CCDC57: variants seen among roughly 807,000 people sequenced by gnomAD.
The protein encoded by CCDC57 is coiled-coil domain containing 57, also known as coiled-coil domain-containing protein 57.
In CCDC57, 118 loss-of-function variants were observed where a neutral mutation model predicts 118.9. The ratio of observed to expected loss-of-function variants is 0.99; its 90% CI spans 0.86 to 1.16. The LOEUF is 1.16. Ranked by LOEUF, CCDC57 falls within the 50% of genes most tolerant of loss-of-function variation. The pLI is 0.00. For missense variants in CCDC57, 1,300 were observed against 1,320.7 expected, an observed-to-expected ratio of 0.98 and a Z score of 0.24; for synonymous variants, 527 against 532.9, an observed-to-expected ratio of 0.99 and a Z score of 0.15.
intron 19 of CCDC57, among the ~76,000 whole-genome samples, chr17:82,111,012 C>A (rs1287315596): frequency 1.3e-5 from 2 of 151,794 alleles, no homozygotes; most frequent in African/African-American, 4.8e-5. Flanking sequence ...AGCATATGTG[C>A]AGGAGTAGAA....
chr17:82,174,003 C>A (rs7502078), intron 11 of CCDC57, among the ~76,000 whole-genome samples: 70,241 of 152,140 alleles, frequency 0.46, 17,044 homozygotes, highest in East Asian at 0.88. Flanking sequence ...CACCTGCTTC[C>A]AGACGCCAGC....
chr17:82,143,039 C>T (rs2040225085), intron 16 of CCDC57, among the ~76,000 whole-genome samples: 1 of 152,056 alleles, frequency 6.6e-6, no homozygotes, highest in South Asian at 2.1e-4. Context: ...TGGCACATGC[C>T]TGTAGTCTCA....
intron 17 of CCDC57, among the ~76,000 whole-genome samples, chr17:82,131,562 GA>G (rs1418718049): frequency 6.6e-6 from 1 of 152,070 alleles, no homozygotes; most frequent in Non-Finnish European, 1.5e-5. Context: ...GTGACACGGT[GA>G]AACCCTGTCT....
At chr17:82,101,988 C>A in intron 19 of CCDC57, 122 bp from the exon 19 acceptor site, 2 of 1,000,702 alleles carry the variant, frequency 2.0e-6, no homozygotes, top group South Asian at 4.0e-5. Flanking sequence ...GCCCTGTGAC[C>A]CTTGGCCTGG....
intron 16 of CCDC57, among the ~76,000 whole-genome samples, chr17:82,148,379 G>A (rs1427603518): frequency 0.028 from 31 of 1,098 alleles, no homozygotes; most frequent in Non-Finnish European, 0.04. Context: ...ATGGGTGGGT[G>A]GGTGAATGGA....
Position 82,131,624 on chromosome 17 carries a change from T to C in CCDC57, c.2577+2449A>G, listed in dbSNP as rs147574701. 7.9e-3 allele frequency among the ~76,000 whole-genome samples: 1,197 copies of C among 151,942 alleles called. 19 individuals are homozygous for C. Among genetic ancestry groups the C allele is most frequent in the African/African-American group, 0.026 (1,097 of 41,452 alleles). The stretch of plus-strand genomic sequence containing the variant: ...AAAATTAGCCAGGCGTGGTGGTGCA[T>C]GCCTGTAGTCCCAGCTACTTGGGAG... On this transcript the variant is annotated intron_variant, in intron 17 of 19. Coordinates refer to ENST00000665763, the Ensembl canonical transcript of CCDC57.
Position 82,189,807 on chromosome 17 carries a change from C to T in CCDC57, c.852-1388G>A, listed in dbSNP as rs545809287. Reference sequence around the variant, plus strand: ...GGCAGAGGTTGCAGTGACCCGAGATCGCACCACCAGCCTGATCAACATGGA... The same window carrying T: ...GGCAGAGGTTGCAGTGACCCGAGATTGCACCACCAGCCTGATCAACATGGA... On this transcript the variant is annotated intron_variant, in intron 7 of 19. Coordinates refer to ENST00000665763, the Ensembl canonical transcript of CCDC57. Among the ~76,000 whole-genome samples, 9 of 151,566 alleles carry T rather than the reference C, an allele frequency of 5.9e-5. No individual in the cohort carries two copies. In the South Asian group the frequency reaches 8.4e-4, roughly 14 times the overall value.
intron 8 of CCDC57, among the ~76,000 whole-genome samples, chr17:82,184,477 A>G (rs115505597): frequency 4.5e-4 from 68 of 152,370 alleles, no homozygotes; most frequent in African/African-American, 1.6e-3. Flanking sequence ...AATGGAATAA[A>G]TTTCCCAAGA....
chr17:82,197,496 T>C (rs1271651835), intron 4 of CCDC57, among the ~76,000 whole-genome samples: 3 of 152,278 alleles, frequency 2.0e-5, no homozygotes, highest in Non-Finnish European at 4.4e-5. Flanking sequence ...TTGAAGCATC[T>C]GTTTTTAAAC....
intron 5 of CCDC57, among the ~76,000 whole-genome samples, chr17:82,194,980 G>A (rs1568449532): frequency 1.3e-5 from 2 of 152,260 alleles, no homozygotes; most frequent in African/African-American, 2.4e-5. Flanking sequence ...TCTGTGCACC[G>A]TGATGCCCAC....
chr17:82,125,260 G>A (rs1018436023), intron 19 of CCDC57, among the ~76,000 whole-genome samples: 4 of 152,078 alleles, frequency 2.6e-5, no homozygotes, highest in African/African-American at 7.2e-5. Context: ...AAAAAAGGCC[G>A]GGCATGGTGA....
At chr17:82,156,285 T>C (rs1378239278) in intron 15 of CCDC57, 1 of 130,440 alleles carries the variant, frequency 7.7e-6, no homozygotes, top group Non-Finnish European at 1.6e-5. Context: ...TGTGAGACTC[T>C]GTCTCAAAAA....
intron 2 of CCDC57, among the ~76,000 whole-genome samples, chr17:82,205,689 C>T (rs544706520): frequency 6.6e-6 from 1 of 152,292 alleles, no homozygotes; most frequent in Non-Finnish European, 1.5e-5. Flanking sequence ...ATGGCACGTA[C>T]CACCCCCTCT....
chr17:82,117,634 G>A lies in CCDC57; in HGVS notation c.2899+10058C>T, dbSNP rs369482349. Among the ~76,000 whole-genome samples the A allele has an allele frequency of 1.7e-4, 26 of 152,138 alleles. 1 individual carries two copies. In the East Asian group the frequency reaches 2.1e-3, roughly 12 times the overall value. ...TGCGGCACTACACTCCAGCCTGGGC[G>A]ACGGAGTGAGACTCCATCTCAAAAT... On this transcript the variant is annotated intron_variant, in intron 19 of 19. Transcript: ENST00000665763.
At position 82,160,706 on chromosome 17, in the gene CCDC57, C is replaced by T. The variant is rs149139535; in HGVS notation, c.2040+2494G>A. Among the ~76,000 whole-genome samples, 1,063 of 152,198 alleles carry T rather than the reference C, an allele frequency of 7.0e-3. 6 individuals are homozygous for T. Among genetic ancestry groups the T allele is most frequent in the Middle Eastern group, 0.014 (4 of 294 alleles). On this transcript the variant is annotated intron_variant, in intron 14 of 19. Coordinates refer to ENST00000665763, the Ensembl canonical transcript of CCDC57. Reference sequence around the variant, plus strand: ...CCTGGCCAACATGGTAAAACCCCATCTCTACCAAAAATACAAAAATTAGCA... The same window carrying T: ...CCTGGCCAACATGGTAAAACCCCATTTCTACCAAAAATACAAAAATTAGCA...
chr17:82,195,718 T>C (rs9891962), intron 4 of CCDC57, among the ~76,000 whole-genome samples: 71,764 of 151,830 alleles, frequency 0.47, 17,729 homozygotes, highest in East Asian at 0.88. Flanking sequence ...AGACAAGAAA[T>C]CAGAGCAAAG....
intron 17 of CCDC57, among the ~76,000 whole-genome samples, chr17:82,131,990 C>T (rs1289129749): frequency 6.6e-6 from 1 of 150,582 alleles, no homozygotes; most frequent in Non-Finnish European, 1.5e-5. Flanking sequence ...TGCTGGCGGG[C>T]GCCTGTAATC....
At chr17:82,150,102 C>T (rs1443989101) in intron 16 of CCDC57, among the ~76,000 whole-genome samples, 1 of 114,834 alleles carries the variant, frequency 8.7e-6, no homozygotes, top group African/African-American at 3.1e-5. Flanking sequence ...GAACCTGACC[C>T]ACACCCAGAA....
At chr17:82,123,053 G>T (rs1002901721) in intron 19 of CCDC57, among the ~76,000 whole-genome samples, 84 of 151,134 alleles carry the variant, frequency 5.6e-4, no homozygotes, top group Non-Finnish European at 1.1e-3. Flanking sequence ...CTGCTTCTCT[G>T]TCCTGACCTA....
Sources: gnomAD v4.1 joint callset for allele counts (sites outside exome capture counted in the v4.1 genomes callset) on GRCh38, gnomAD v4.1.1 for gene constraint, MANE v1.5 for transcripts, NCBI Gene and HGNC (gene_info 2026-07-23, HGNC 2026-07-21) for gene names.